Variants in HSD3B2 observed in about 807,000 individuals in gnomAD.
HSD3B2 encodes hydroxy-delta-5-steroid dehydrogenase, 3 beta- and steroid delta-isomerase 2, also known as 3 beta-hydroxysteroid dehydrogenase/Delta 5-->4-isomerase type 2.
HSD3B2 carries 8 observed loss-of-function variants against 9.9 expected under a neutral mutation model. That is an observed-to-expected ratio of 0.81 (90% CI 0.47 to 1.46). HSD3B2 has a LOEUF of 1.46. HSD3B2 is among the 40% of genes most tolerant of loss of function. The probability of loss-of-function intolerance (pLI) is 0.00; values close to 1 mark genes in which losing one functional copy is unlikely to be tolerated. For synonymous variants in HSD3B2, 221 were observed against 184.5 expected (o/e 1.20, Z -1.60); for missense variants, 410 against 448.3 (o/e 0.91, Z 0.77).
chr1:119,422,571 G>A lies in HSD3B2; in HGVS notation c.1070G>A (p.Gly357Asp). The A allele has an allele frequency of 6.2e-7, 1 of 1,614,088 alleles. No individual in the cohort carries two copies. The highest frequency in any genetic ancestry group is 8.5e-7 in the Non-Finnish European group (1 of 1,179,996). The change falls in exon 4 of 4, where the codon GGT becomes GAT. Residue 357 changes from glycine (G) to aspartate (D), a missense_variant. Physicochemically the swap from Gly to Asp is moderately conservative, Grantham distance 94. Coordinates refer to ENST00000369416, the MANE Select transcript of HSD3B2 (RefSeq NM_000198.4). ...EAKQKTVEWV[G>D]SLVDRHKETL... ...AAGCAGAAAACCGTGGAGTGGGTTG[G>A]TTCCCTTGTGGACCGGCACAAGGAG...
In HSD3B2 at chr1:119,421,914, A is replaced by C; in HGVS notation, c.413A>C (p.Gln138Pro). Residue 138 changes from glutamine (Q) to proline (P), a missense_variant, in exon 4 of 4, where the codon CAG becomes CCG. Gln to Pro is a moderately conservative substitution (Grantham distance 76). Coordinates refer to ENST00000369416, the MANE Select transcript of HSD3B2 (RefSeq NM_000198.4). ...CCCAACTCCTACAAGGAAATCATCC[A>C]GAACGGCCACGAAGAAGAGCCTCTG... ...AGPNSYKEII[Q>P]NGHEEEPLEN... 1 of 1,614,132 alleles carries C rather than the reference A, an allele frequency of 6.2e-7. No individual in the cohort carries two copies. Among genetic ancestry groups the C allele is most frequent in the Non-Finnish European group, 8.5e-7 (1 of 1,179,992 alleles).
At chr1:119,421,413 A>ATG (rs1651856846) in intron 3 of HSD3B2, among the ~76,000 whole-genome samples, 1 of 32,894 alleles carries the variant, frequency 3.0e-5, no homozygotes, top group African/African-American at 1.9e-4. Context: ...GTATATATAT[A>ATG]TATGTATATA....
Position 119,422,688 on chromosome 1 carries a change from T to C in HSD3B2, c.*68T>C. ...TGTCATCAAACTCCACCCACCTGGC[T>C]TCATACAGAAGGCAACAGGGGCACA... On this transcript the variant is annotated 3_prime_UTR_variant, in exon 4 of 4. Coordinates refer to ENST00000369416, the MANE Select transcript of HSD3B2 (RefSeq NM_000198.4). 1 of 1,584,672 alleles carries C rather than the reference T, an allele frequency of 6.3e-7. No individual in the cohort carries two copies.
rs757801056 is a variant in HSD3B2, at chr1:119,422,410, A to C, written c.909A>C (p.Leu303=). Residue 303 remains leucine (L), a synonymous_variant, in exon 4 of 4, where the codon CTA becomes CTC. Coordinates refer to ENST00000369416, the MANE Select transcript of HSD3B2 (RefSeq NM_000198.4). ...TCCTGCTGGAAGTAGTGAGCTTCCTACTCAGCCCAATTTACTCCTATCAAC... is the reference window on the plus strand; with the variant it reads ...TCCTGCTGGAAGTAGTGAGCTTCCTCCTCAGCCCAATTTACTCCTATCAAC... ...IGFLLEVVSF[L]LSPIYSYQPP... is the part of the protein sequence containing the mutation. The C allele has an allele frequency of 6.8e-6, 11 of 1,613,924 alleles. No homozygotes were observed. The highest frequency in any genetic ancestry group is 9.3e-6 in the Non-Finnish European group (11 of 1,179,952).
At chr1:119,421,476 T>C (rs1472352230) in intron 3 of HSD3B2, among the ~76,000 whole-genome samples, 1 of 6,274 alleles carries the variant, frequency 1.6e-4, no homozygotes, top group African/African-American at 5.7e-4. Flanking sequence ...TATATATATA[T>C]GTATATATAT....
At chr1:119,421,751 G>C (rs1410836635) in intron 3 of HSD3B2, 58 bp from the exon 4 acceptor site, 6 of 1,589,644 alleles carry the variant, frequency 3.8e-6, no homozygotes, top group Non-Finnish European at 5.2e-6. Flanking sequence ...ATCTGTGCAT[G>C]TGGTTGCAGC....
rs1248722369 is a variant in HSD3B2 at position 119,421,462 on chromosome 1, T to TATATTTTATA, written c.308-345_308-344insATTTTATAAT. ...ATATGTATATATATATGTATATATA[T>TATATTTTATA]ATGTATATATATATGTATATATATA... is the stretch of plus-strand genomic sequence containing the variant. On this transcript the variant is annotated intron_variant, in intron 3 of 3. Coordinates refer to ENST00000369416, the MANE Select transcript of HSD3B2 (RefSeq NM_000198.4). Among the ~76,000 whole-genome samples, 5 of 7,790 alleles carry TATATTTTATA rather than the reference T, an allele frequency of 6.4e-4. No homozygotes were observed. In the East Asian group the frequency reaches 0.03, roughly 47 times the overall value. 5.1% of individuals were successfully genotyped at this position (7,790 alleles called of 152,430 possible).
rs1651930166 is a variant in HSD3B2, at chr1:119,422,731, C to T, written c.*111C>T. 1.6e-6 allele frequency: 2 copies of T among 1,266,484 alleles called. No homozygotes were observed. The highest frequency in any genetic ancestry group is 1.1e-6 in the Non-Finnish European group (1 of 888,078). The allele number at this position is 1,266,484 out of a possible 1,614,324, so 78.5% of individuals were successfully genotyped here. On this transcript the variant is annotated 3_prime_UTR_variant, in exon 4 of 4. Coordinates refer to ENST00000369416, the MANE Select transcript of HSD3B2 (RefSeq NM_000198.4). Reference sequence around the variant, plus strand: ...GGGGCACAAGCCCAGGTCCTGCTGCCTCTCTTTCACACAATGCCCAACTTA... The same window carrying T: ...GGGGCACAAGCCCAGGTCCTGCTGCTTCTCTTTCACACAATGCCCAACTTA...
chr1:119,418,428 C>G (rs1038743375), intron 2 of HSD3B2, among the ~76,000 whole-genome samples: 3 of 152,048 alleles, frequency 2.0e-5, no homozygotes, highest in African/African-American at 7.2e-5. Context: ...AAATTCAAAC[C>G]TGGAGTGCAT....
chr1:119,418,192 T>C (rs1651761207), intron 2 of HSD3B2, among the ~76,000 whole-genome samples: 1 of 152,240 alleles, frequency 6.6e-6, no homozygotes. Flanking sequence ...ACAGCTGAGA[T>C]GTTAGTTCAT....
rs1651678521 is a variant in HSD3B2 at position 119,415,487 on chromosome 1, T to C, written c.68T>C (p.Val23Ala). The C allele has an allele frequency of 6.2e-7, 1 of 1,613,800 alleles. No individual in the cohort carries two copies. Among genetic ancestry groups the C allele is most frequent in the African/African-American group, 1.3e-5 (1 of 74,982 alleles). ...GGTCAGAGGATCGTCCGCCTGTTGG[T>C]GGAAGAGAAGGAACTGAAGGAGATC... is the stretch of plus-strand genomic sequence containing the variant. ...LLGQRIVRLL[V>A]EEKELKEIRA... The change falls in exon 2 of 4, where the codon GTG (valine) becomes GCG (alanine). Residue 23 changes from valine to alanine, a missense_variant. Transcript: ENST00000369416.
At chr1:119,415,086 T>C (rs377456276), upstream of HSD3B2, 605 of 361,388 alleles carry the variant, frequency 1.7e-3, 8 homozygotes, top group South Asian at 9.8e-3. Flanking sequence ...TGGCAGGAGT[T>C]CAAGGTAATA....
Position 119,422,263 on chromosome 1 carries a change from C to T in HSD3B2, c.762C>T (p.Tyr254=), listed in dbSNP as rs781698731. The part of the protein sequence containing the change: ...KAPSVRGQFY[Y]ISDDTPHQSY... ...CAAGTGTCCGAGGTCAATTCTATTA[C>T]ATCTCAGATGACACGCCTCACCAAA... is the stretch of plus-strand genomic sequence containing the variant. Residue 254 remains tyrosine, a synonymous_variant, in exon 4 of 4, where the codon TAC becomes TAT. Coordinates refer to ENST00000369416, the MANE Select transcript of HSD3B2 (RefSeq NM_000198.4). 5.0e-6 allele frequency: 8 copies of T among 1,614,116 alleles called. No homozygotes were observed. The highest frequency in any genetic ancestry group is 6.8e-6 in the Non-Finnish European group (8 of 1,180,006).
intron 3 of HSD3B2, among the ~76,000 whole-genome samples, chr1:119,421,453 G>GTATATATATATATGTATATATATGTA (rs201598230): frequency 1.2e-4 from 2 of 17,314 alleles, no homozygotes; most frequent in East Asian, 2.7e-3. Context: ...ATATATATAT[G>GTATATATATATATGTATATATATGTA]TATATATATA....
chr1:119,417,670 T>A (rs1651747845), intron 2 of HSD3B2, among the ~76,000 whole-genome samples: 1 of 152,160 alleles, frequency 6.6e-6, no homozygotes, highest in Non-Finnish European at 1.5e-5. Flanking sequence ...GAGCAAATGG[T>A]CCCACCTGTA....
chr1:119,422,482 C>T lies in HSD3B2; in HGVS notation c.981C>T (p.Thr327=), dbSNP rs149441011. 3.7e-6 allele frequency: 6 copies of T among 1,613,980 alleles called. No homozygotes were observed. In the African/African-American group the frequency reaches 8.0e-5, roughly 22 times the overall value. The change falls in exon 4 of 4, where the codon ACC becomes ACT. Residue 327 remains threonine, a synonymous_variant. Transcript: ENST00000369416. ...TCACATTATCAAATAGTGTGTTCACCTTCTCTTACAAGAAGGCTCAGCGAG... is the reference window on the plus strand; with the variant it reads ...TCACATTATCAAATAGTGTGTTCACTTTCTCTTACAAGAAGGCTCAGCGAG... The part of the protein sequence containing the change: ...HTVTLSNSVF[T]FSYKKAQRDL...
intron 3 of HSD3B2, among the ~76,000 whole-genome samples, chr1:119,420,710 T>C (rs1459278904): frequency 6.6e-6 from 1 of 152,140 alleles, no homozygotes; most frequent in Non-Finnish European, 1.5e-5. Context: ...GAATACAAAA[T>C]AAGTAAATAA....
intron 3 of HSD3B2, among the ~76,000 whole-genome samples, chr1:119,420,428 A>T (rs1651829389): frequency 6.6e-6 from 1 of 152,180 alleles, no homozygotes; most frequent in African/African-American, 2.4e-5. Flanking sequence ...AAACAAACAA[A>T]AAAAAAACCT....
In HSD3B2 at chr1:119,415,317, C is replaced by T; in HGVS notation, c.-89-14C>T. 1 of 1,252,154 alleles carries T rather than the reference C, an allele frequency of 8.0e-7. No homozygotes were observed. The highest frequency in any genetic ancestry group is 1.2e-6 in the Non-Finnish European group (1 of 855,284). 77.6% of individuals were successfully genotyped at this position (1,252,154 alleles called of 1,614,324 possible). ...ATCTGCTGAGTGTATAACCATTTTACCTCTTGTTTTTAGCCCTCTTCTGGG... is the reference window on the plus strand; with the variant it reads ...ATCTGCTGAGTGTATAACCATTTTATCTCTTGTTTTTAGCCCTCTTCTGGG... On this transcript the variant is annotated splice_polypyrimidine_tract_variant and intron_variant, in intron 1 of 3. Transcript: ENST00000369416.
Sources: gnomAD v4.1 joint callset for allele counts (sites outside exome capture counted in the v4.1 genomes callset) on GRCh38, gnomAD v4.1.1 for gene constraint, MANE v1.5 for transcripts, NCBI Gene and HGNC (gene_info 2026-07-23, HGNC 2026-07-21) for gene names.